LRRC72: variants seen among roughly 807,000 people sequenced by gnomAD.
LRRC72 encodes the protein leucine rich repeat containing 72.
Under a neutral mutation model 35.8 loss-of-function variants are expected in LRRC72, and 41 were observed. The observed-to-expected ratio is 1.15, with a 90% CI of 0.89 to 1.49. The LOEUF is 1.49. Ranked by LOEUF, LRRC72 falls within the 40% of genes most tolerant of loss-of-function variation. LRRC72 has a pLI of 0.00. For synonymous variants in LRRC72, 118 were observed against 119.2 expected (o/e 0.99, Z 0.07); for missense variants, 389 against 330.7 (o/e 1.18, Z -1.37).
intron 1 of LRRC72, among the ~76,000 whole-genome samples, chr7:16,531,149 C>T (rs1329061648): frequency 6.6e-6 from 1 of 150,962 alleles, no homozygotes; most frequent in Non-Finnish European, 1.5e-5. Flanking sequence ...CACCACTGTA[C>T]TCCAGCCTGG....
chr7:16,557,996 A>G (rs1782679363), intron 4 of LRRC72, among the ~76,000 whole-genome samples: 1 of 141,072 alleles, frequency 7.1e-6, no homozygotes, highest in African/African-American at 2.8e-5. Context: ...GATGTCATGC[A>G]CCGCTAAGAA....
At chr7:16,554,778 C>T (rs893605992) in intron 3 of LRRC72, among the ~76,000 whole-genome samples, 5 of 152,068 alleles carry the variant, frequency 3.3e-5, no homozygotes, top group African/African-American at 1.2e-4. Flanking sequence ...TGTTAATGCT[C>T]GTGGGAAAAC....
chr7:16,532,742 GA>G (rs1782190404), intron 2 of LRRC72, 174 bp downstream of exon 2: 1 of 603,462 alleles, frequency 1.7e-6, no homozygotes, highest in Non-Finnish European at 2.9e-6. Context: ...ACAAGATACT[GA>G]AATTGATTAA....
intron 2 of LRRC72, among the ~76,000 whole-genome samples, chr7:16,533,217 A>G (rs1782198258): frequency 6.6e-6 from 1 of 152,062 alleles, no homozygotes; most frequent in Admixed American, 6.6e-5. Flanking sequence ...ACCTCTACCA[A>G]TCCCCATACC....
chr7:16,541,591 G>A (rs531223588), intron 3 of LRRC72, among the ~76,000 whole-genome samples: 98 of 152,262 alleles, frequency 6.4e-4, no homozygotes, highest in African/African-American at 2.3e-3. Context: ...CTCCACTTTA[G>A]GGCATACAAA....
Position 16,567,508 on chromosome 7 carries a change from C to T in LRRC72, c.635C>T (p.Pro212Leu). ...GATGCTTCATGGGATCCTAAATCAC[C>T]ATTTAAGCAAAAACCAGCCCAGAGA... Reference protein sequence around the residue: ...KVDASWDPKSPFKQKPAQRVP... With the variant: ...KVDASWDPKSLFKQKPAQRVP... Residue 212 changes from proline to leucine, a missense_variant, in exon 7 of 9, where the codon CCA becomes CTA. Coordinates refer to ENST00000401542, the MANE Select transcript of LRRC72 (RefSeq NM_001195280.2). The T allele has an allele frequency of 2.8e-6, 4 of 1,444,816 alleles. No homozygotes were observed. The highest frequency in any genetic ancestry group is 3.0e-5 in the African/African-American group (2 of 67,068). The allele number at this position is 1,444,816 out of a possible 1,614,324, so 89.5% of individuals were successfully genotyped here. A position where few individuals can be genotyped will look rare whatever the true frequency, so the allele number is the denominator to read the frequency against.
intron 3 of LRRC72, among the ~76,000 whole-genome samples, chr7:16,555,882 A>T (rs951866935): frequency 6.6e-6 from 1 of 152,244 alleles, no homozygotes; most frequent in Non-Finnish European, 1.5e-5. Flanking sequence ...TAAATACTTG[A>T]TCAATAACTC....
chr7:16,568,049 A>G (rs1235288907), intron 7 of LRRC72, among the ~76,000 whole-genome samples: 1 of 152,162 alleles, frequency 6.6e-6, no homozygotes, highest in Non-Finnish European at 1.5e-5. Context: ...AGGATGTTTC[A>G]TTTGTAGGAA....
intron 3 of LRRC72, among the ~76,000 whole-genome samples, chr7:16,540,975 G>A (rs1049983509): frequency 2.6e-5 from 4 of 152,142 alleles, no homozygotes; most frequent in African/African-American, 4.8e-5. Flanking sequence ...TCAGGCACCA[G>A]GCCACCATGC....
In LRRC72 at chr7:16,560,563, T is replaced by C. The variant is rs1782728592; in HGVS notation, c.427+1564T>C. Among the ~76,000 whole-genome samples, 4 of 152,270 alleles carry C rather than the reference T, an allele frequency of 2.6e-5. No homozygotes were observed. The South Asian group carries it at 8.3e-4, about 32-fold the overall frequency. On this transcript the variant is annotated intron_variant, in intron 5 of 8. Coordinates refer to ENST00000401542, the MANE Select transcript of LRRC72 (RefSeq NM_001195280.2). ...TTTGAGTCACCTGGCCCCTGTCTGC[T>C]GGAAAAATGCTGCTATAATTAAAAG...
At chr7:16,579,811 T>C (rs1265301354) in intron 7 of LRRC72, among the ~76,000 whole-genome samples, 1 of 152,192 alleles carries the variant, frequency 6.6e-6, no homozygotes, top group African/African-American at 2.4e-5. Flanking sequence ...TGACTAAGCT[T>C]TCTGTTCTCA....
At chr7:16,528,783 A>G (rs764862548) in intron 1 of LRRC72, among the ~76,000 whole-genome samples, 3 of 152,112 alleles carry the variant, frequency 2.0e-5, no homozygotes, top group Non-Finnish European at 4.4e-5. Context: ...ATATCTTCCT[A>G]TTGCCCCAGA....
intron 3 of LRRC72, among the ~76,000 whole-genome samples, chr7:16,549,718 T>C (rs188706985): frequency 1.3e-5 from 2 of 152,290 alleles, no homozygotes; most frequent in Admixed American, 1.3e-4. Context: ...AGCAAATATC[T>C]TGTTTAATGG....
intron 5 of LRRC72, among the ~76,000 whole-genome samples, chr7:16,561,278 T>C (rs958076629): frequency 6.6e-6 from 1 of 152,208 alleles, no homozygotes; most frequent in Non-Finnish European, 1.5e-5. Flanking sequence ...ATGATTTAAT[T>C]TGCTACTTTA....
rs1027411313 is a variant in LRRC72 at position 16,567,563 on chromosome 7, A to C, written c.670+20A>C. 22 of 1,417,820 alleles carry C rather than the reference A, an allele frequency of 1.6e-5. No individual in the cohort carries two copies. The African/African-American group carries it at 2.8e-4, about 18-fold the overall frequency. The allele number at this position is 1,417,820 out of a possible 1,614,324, so 87.8% of individuals were successfully genotyped here. ...CTTCAGGTATTTCGTAAAAAAAAAA[A>C]AAAAAACAAATTTAATGAAATTAAA... On this transcript the variant is annotated intron_variant, in intron 7 of 8. Coordinates refer to ENST00000401542, the MANE Select transcript of LRRC72 (RefSeq NM_001195280.2).
chr7:16,539,136 G>T (rs1782312972), intron 3 of LRRC72, among the ~76,000 whole-genome samples: 2 of 152,222 alleles, frequency 1.3e-5, no homozygotes, highest in Admixed American at 6.5e-5. Flanking sequence ...GAACTTCCTA[G>T]AGACTTGTTG....
intron 5 of LRRC72, 31 bp downstream of exon 5, chr7:16,559,030 G>A (rs6979816): frequency 0.74 from 922,647 of 1,247,444 alleles, 343,290 homozygotes; most frequent in African/African-American, 0.93. Flanking sequence ...ATGGCCATAA[G>A]TTAAAATAGT....
At chr7:16,568,858 T>C (rs2128338414) in intron 7 of LRRC72, among the ~76,000 whole-genome samples, 1 of 152,216 alleles carries the variant, frequency 6.6e-6, no homozygotes, top group South Asian at 2.1e-4. Flanking sequence ...AAAACAGTGA[T>C]CGAAAGTTTT....
At chr7:16,539,739 G>A (rs1193355943) in intron 3 of LRRC72, among the ~76,000 whole-genome samples, 1 of 152,238 alleles carries the variant, frequency 6.6e-6, no homozygotes, top group African/African-American at 2.4e-5. Flanking sequence ...AGGGGCCAAG[G>A]TACAGATTGA....
Sources: allele counts gnomAD v4.1 joint callset (sites outside exome capture counted in the v4.1 genomes callset), GRCh38; gene constraint gnomAD v4.1.1; transcripts MANE v1.5; gene names NCBI Gene and HGNC (gene_info 2026-07-23, HGNC 2026-07-21).